The following CSMD1 variants were observed in gnomAD, a reference collection of about 807,000 sequenced individuals.
CSMD1 encodes the protein CUB and Sushi multiple domains 1, also known as CUB and sushi domain-containing protein 1.
In CSMD1, 213 loss-of-function variants were observed where a neutral mutation model predicts 417.5. The observed-to-expected ratio is 0.51, with a 90% CI of 0.46 to 0.57. The LOEUF (loss-of-function observed/expected upper bound fraction) is 0.57. CSMD1 is among the 20% of genes least tolerant of loss of function. CSMD1 has a pLI of 0.00. For synonymous variants in CSMD1, 2,862 were observed against 1,736.8 expected (o/e 1.65, Z -16.11); for missense variants, 6,923 against 4,529.7 (o/e 1.53, Z -15.17).
At chr8:2,967,615 A>G (rs1804082645) in intron 57 of CSMD1, among the ~76,000 whole-genome samples, 1 of 152,174 alleles carries the variant, frequency 6.6e-6, no homozygotes, top group African/African-American at 2.4e-5. Context: ...ATAATATACA[A>G]TAGGCAGGTA....
chr8:4,402,821 CTTTTTTT>C (rs1396591610), intron 3 of CSMD1, among the ~76,000 whole-genome samples: 1 of 66,352 alleles, frequency 1.5e-5, no homozygotes, highest in East Asian at 4.5e-4. Context: ...TTTTTTTTTT[CTTTTTTT>C]TTTTTTTTTG....
intron 1 of CSMD1, among the ~76,000 whole-genome samples, chr8:4,974,339 A>G (rs1308534790): frequency 1.3e-5 from 2 of 152,032 alleles, no homozygotes. Context: ...ACAGTCTCAC[A>G]ATGTCTCACA....
At chr8:3,262,189 A>G (rs1449464699) in intron 26 of CSMD1, among the ~76,000 whole-genome samples, 12 of 40,184 alleles carry the variant, frequency 3.0e-4, no homozygotes, top group Non-Finnish European at 5.2e-4. Flanking sequence ...ATATGAATAT[A>G]TATATATATA....
chr8:4,908,382 T>G (rs1270049906), intron 1 of CSMD1, among the ~76,000 whole-genome samples: 8 of 152,216 alleles, frequency 5.3e-5, no homozygotes, highest in Admixed American at 5.2e-4. Context: ...TTCTTGGTTC[T>G]GTAGTTTAGT....
intron 1 of CSMD1, among the ~76,000 whole-genome samples, chr8:4,695,103 G>C (rs1024520037): frequency 6.6e-6 from 1 of 151,812 alleles, no homozygotes; most frequent in Admixed American, 6.6e-5. Flanking sequence ...CATCACTTAA[G>C]CCTGGGGTCT....
chr8:4,273,427 A>G (rs766518100), intron 3 of CSMD1, among the ~76,000 whole-genome samples: 1 of 152,122 alleles, frequency 6.6e-6, no homozygotes, highest in Non-Finnish European at 1.5e-5. Context: ...GGTCAATTAT[A>G]CTTTTTTATC....
In CSMD1 at chr8:3,989,305, G is replaced by C. The variant is rs1278535320; in HGVS notation, c.818+8598C>G. Among the ~76,000 whole-genome samples, 3 of 152,176 alleles carry C rather than the reference G, an allele frequency of 2.0e-5. No individual in the cohort carries two copies. The East Asian group carries it at 5.8e-4, about 29-fold the overall frequency. ...TCATAAAACCAAGACTACAGCCTAA[G>C]TCTCACTCAAACCGAGGTCTGAATC... is the stretch of plus-strand genomic sequence containing the variant. On this transcript the variant is annotated intron_variant, in intron 5 of 69. Coordinates refer to ENST00000635120, the MANE Select transcript of CSMD1 (RefSeq NM_033225.6).
Position 4,138,338 on chromosome 8 carries a change from G to A in CSMD1, c.416-106239C>T, listed in dbSNP as rs13272566. On this transcript the variant is annotated intron_variant, in intron 3 of 69. Coordinates refer to ENST00000635120, the MANE Select transcript of CSMD1 (RefSeq NM_033225.6). ...GAGTTGAGATTTACACATTTGAGTT[G>A]TGGCAAAGCTGGGGCAAGGAGTCAG... Among the ~76,000 whole-genome samples the A allele has an allele frequency of 8.1e-3, 1,226 of 150,648 alleles. 226 individuals carry two copies. The highest frequency in any genetic ancestry group is 0.014 in the Non-Finnish European group (973 of 67,788).
chr8:4,624,430 G>A (rs1291342807), intron 2 of CSMD1, among the ~76,000 whole-genome samples: 1 of 152,078 alleles, frequency 6.6e-6, no homozygotes, highest in African/African-American at 2.4e-5. Flanking sequence ...ATCCTCTCTG[G>A]AATTACCAGC....
chr8:4,252,241 G>C (rs779109), intron 3 of CSMD1, among the ~76,000 whole-genome samples: 139,463 of 152,242 alleles, frequency 0.92, 64,503 homozygotes, highest in East Asian at 1. Context: ...TTTCCTTTCC[G>C]TTCCTGGCTT....
chr8:4,321,146 C>G (rs1195988711), intron 3 of CSMD1, among the ~76,000 whole-genome samples: 2 of 152,014 alleles, frequency 1.3e-5, no homozygotes, highest in African/African-American at 2.4e-5. Context: ...AGTGTCAAAC[C>G]TATTTTTTAT....
chr8:3,673,184 G>C (rs184340714), intron 7 of CSMD1, among the ~76,000 whole-genome samples: 1 of 152,306 alleles, frequency 6.6e-6, no homozygotes, highest in Admixed American at 6.5e-5. Context: ...CACAGAATCT[G>C]AAATTATTCA....
intron 51 of CSMD1, among the ~76,000 whole-genome samples, chr8:3,026,408 G>T (rs1199211240): frequency 6.7e-6 from 1 of 149,910 alleles, no homozygotes; most frequent in Admixed American, 6.7e-5. Context: ...CACTGGGCCT[G>T]ACTGGACCTC....
At chr8:3,711,098 G>A (rs750209725) in intron 6 of CSMD1, among the ~76,000 whole-genome samples, 3 of 152,246 alleles carry the variant, frequency 2.0e-5, no homozygotes, top group East Asian at 1.9e-4. Context: ...ATTTCCTATA[G>A]CAATATTTTC....
intron 3 of CSMD1, among the ~76,000 whole-genome samples, chr8:4,195,103 G>A (rs949795926): frequency 1.3e-5 from 2 of 152,156 alleles, no homozygotes; most frequent in African/African-American, 4.8e-5. Flanking sequence ...ATTGGAAACA[G>A]AAACCAGATG....
chr8:3,929,540 G>A lies in CSMD1; in HGVS notation c.818+68363C>T, dbSNP rs190445403. On this transcript the variant is annotated intron_variant, in intron 5 of 69. Transcript: ENST00000635120. ...AAGTCAACGTCCATTGGCAGGAACT[G>A]GGTTGTCTGTCTATTCTGATGGAAT... Among the ~76,000 whole-genome samples the A allele has an allele frequency of 5.3e-5, 8 of 150,596 alleles. 1 individual carries two copies. Among genetic ancestry groups the A allele is most frequent in the East Asian group, 3.9e-4 (2 of 5,116 alleles).
At chr8:4,618,295 C>T (rs185035507) in intron 2 of CSMD1, among the ~76,000 whole-genome samples, 6 of 81,902 alleles carry the variant, frequency 7.3e-5, no homozygotes, top group East Asian at 5.9e-4. Flanking sequence ...TAAGCTCAGC[C>T]ATGTCCCTCA....
chr8:3,309,386 G>T (rs542075658), intron 23 of CSMD1, among the ~76,000 whole-genome samples: 1 of 145,002 alleles, frequency 6.9e-6, no homozygotes, highest in Non-Finnish European at 1.5e-5. Context: ...ATGGTTATGA[G>T]GCTCTTGAGG....
intron 10 of CSMD1, among the ~76,000 whole-genome samples, chr8:3,574,075 G>A (rs1339814427): frequency 6.6e-6 from 1 of 152,086 alleles, no homozygotes; most frequent in African/African-American, 2.4e-5. Context: ...CAAACTTACA[G>A]AGAAATAACA....
Sources: allele counts gnomAD v4.1 joint callset (sites outside exome capture counted in the v4.1 genomes callset), GRCh38; gene constraint gnomAD v4.1.1; transcripts MANE v1.5; gene names NCBI Gene and HGNC (gene_info 2026-07-23, HGNC 2026-07-21).